The following DDAH1 variants were observed in gnomAD, a reference collection of about 807,000 sequenced individuals.
The protein encoded by DDAH1 is N(G),N(G)-dimethylarginine dimethylaminohydrolase 1.
In DDAH1, 19 loss-of-function variants were observed where a neutral mutation model predicts 28.8. The observed-to-expected ratio is 0.66, with a 90% CI of 0.46 to 0.97. The LOEUF is 0.97. Ranked by LOEUF, DDAH1 falls within the 50% of genes least tolerant of loss-of-function variation. The pLI is 0.00. For missense variants in DDAH1, 326 were observed against 375.9 expected (o/e 0.87, Z 1.10); for synonymous variants, 153 against 154.4 (o/e 0.99, Z 0.07).
chr1:85,400,608 T>C (rs1652052548), intron 1 of DDAH1, among the ~76,000 whole-genome samples: 1 of 152,212 alleles, frequency 6.6e-6, no homozygotes, highest in African/African-American at 2.4e-5. Context: ...TAGATGATGC[T>C]ATTTATATCA....
intron 1 of DDAH1, among the ~76,000 whole-genome samples, chr1:85,544,366 G>A (rs1213228798): frequency 6.6e-6 from 1 of 152,038 alleles, no homozygotes; most frequent in Non-Finnish European, 1.5e-5. Context: ...GATGTTTTGG[G>A]GAATAGTTAA....
chr1:85,387,939 G>T (rs1651361714), intron 1 of DDAH1, among the ~76,000 whole-genome samples: 1 of 152,140 alleles, frequency 6.6e-6, no homozygotes, highest in African/African-American at 2.4e-5. Flanking sequence ...GACATCACAT[G>T]GTGAGAGAGA....
intron 2 of DDAH1, among the ~76,000 whole-genome samples, chr1:85,357,819 A>T (rs983287239): frequency 6.6e-6 from 1 of 152,236 alleles, no homozygotes; most frequent in Non-Finnish European, 1.5e-5. Flanking sequence ...ATGATTTTAT[A>T]CAACACTAAT....
chr1:85,384,270 A>G (rs1297237201), intron 1 of DDAH1, among the ~76,000 whole-genome samples: 3 of 152,334 alleles, frequency 2.0e-5, no homozygotes, highest in East Asian at 3.9e-4. Flanking sequence ...ATACCTACCC[A>G]AAGACTCAAG....
At chr1:85,435,427 A>G (rs1653889046) in intron 1 of DDAH1, 1 of 152,342 alleles carries the variant, frequency 6.6e-6, no homozygotes, top group African/African-American at 2.4e-5. Flanking sequence ...AGCATCTACT[A>G]TATGTTGGGC....
intron 1 of DDAH1, among the ~76,000 whole-genome samples, chr1:85,397,460 AG>A (rs1419062935): frequency 1.1e-4 from 16 of 152,200 alleles, no homozygotes; most frequent in Non-Finnish European, 7.3e-5. Context: ...ATAAGGAAAA[AG>A]TAAGGGTTTT....
chr1:85,511,399 G>C (rs905334496), intron 1 of DDAH1, among the ~76,000 whole-genome samples: 7 of 152,162 alleles, frequency 4.6e-5, no homozygotes, highest in Non-Finnish European at 5.9e-5. Flanking sequence ...GAGAAAGCAA[G>C]AAAGATCTAA....
intron 4 of DDAH1, among the ~76,000 whole-genome samples, chr1:85,348,633 T>C (rs931692357): frequency 2.0e-5 from 3 of 152,212 alleles, no homozygotes; most frequent in African/African-American, 7.2e-5. Flanking sequence ...CATCCATCCT[T>C]CAAGACTCAC....
intron 2 of DDAH1, among the ~76,000 whole-genome samples, chr1:85,355,588 T>C (rs1649448845): frequency 6.6e-6 from 1 of 152,152 alleles, no homozygotes; most frequent in African/African-American, 2.4e-5. Context: ...AAGAAAATCA[T>C]ATAATCATTT....
At chr1:85,375,520 A>C (rs1362977628) in intron 1 of DDAH1, among the ~76,000 whole-genome samples, 1 of 152,194 alleles carries the variant, frequency 6.6e-6, no homozygotes, top group Non-Finnish European at 1.5e-5. Context: ...AAAAGAGCAG[A>C]ACAGACATTT....
At chr1:85,417,958 C>T (rs1057401843) in intron 1 of DDAH1, among the ~76,000 whole-genome samples, 9 of 152,186 alleles carry the variant, frequency 5.9e-5, no homozygotes, top group African/African-American at 1.4e-4. Context: ...ATTCTACTAA[C>T]GATTACAAAT....
At chr1:85,553,084 A>G (rs949012017) in intron 1 of DDAH1, among the ~76,000 whole-genome samples, 13 of 152,284 alleles carry the variant, frequency 8.5e-5, no homozygotes, top group African/African-American at 3.1e-4. Context: ...TGGAGAGACC[A>G]CATTATGTAT....
chr1:85,565,576 T>A (rs1257965112), intron 1 of DDAH1, among the ~76,000 whole-genome samples: 1 of 151,650 alleles, frequency 6.6e-6, no homozygotes, highest in African/African-American at 2.4e-5. Flanking sequence ...AATAAAAAGT[T>A]GAAAAAAAGA....
chr1:85,383,150 G>A (rs1651082324), intron 1 of DDAH1, among the ~76,000 whole-genome samples: 1 of 152,140 alleles, frequency 6.6e-6, no homozygotes, highest in South Asian at 2.1e-4. Flanking sequence ...ATGAATCTGG[G>A]CAAAATAAGT....
intron 1 of DDAH1, among the ~76,000 whole-genome samples, chr1:85,456,520 A>G (rs1654888209): frequency 6.6e-6 from 1 of 152,202 alleles, no homozygotes; most frequent in Admixed American, 6.5e-5. Context: ...AAATTACATG[A>G]GATATTCAAT....
At chr1:85,519,608 A>T (rs1227466801) in intron 1 of DDAH1, among the ~76,000 whole-genome samples, 2 of 152,236 alleles carry the variant, frequency 1.3e-5, no homozygotes, top group Non-Finnish European at 2.9e-5. Context: ...AGCATGAAAA[A>T]TTTCAATAAA....
intron 1 of DDAH1, among the ~76,000 whole-genome samples, chr1:85,390,173 C>A (rs981431691): frequency 6.6e-6 from 1 of 152,224 alleles, no homozygotes; most frequent in African/African-American, 2.4e-5. Context: ...CCCACCTCTT[C>A]TCTACCTTAT....
At chr1:85,487,683 G>A (rs6661365) in intron 2 of DDAH1, among the ~76,000 whole-genome samples, 19,110 of 152,088 alleles carry the variant, frequency 0.13, 1,293 homozygotes, top group Non-Finnish European at 0.15. Context: ...ATACAGCAAT[G>A]TCTCCTTTCC....
At chr1:85,557,027 G>C (rs1382812021) in intron 1 of DDAH1, among the ~76,000 whole-genome samples, 1 of 152,166 alleles carries the variant, frequency 6.6e-6, no homozygotes, top group Non-Finnish European at 1.5e-5. Flanking sequence ...TGAGACAGGA[G>C]AATCACTTGA....
Sources: gnomAD v4.1 joint callset for allele counts (sites outside exome capture counted in the v4.1 genomes callset) on GRCh38, gnomAD v4.1.1 for gene constraint, MANE v1.5 for transcripts, NCBI Gene and HGNC (gene_info 2026-07-23, HGNC 2026-07-21) for gene names.